Variants in HSD17B12 observed in about 807,000 individuals in gnomAD.
The protein encoded by HSD17B12 is hydroxysteroid 17-beta dehydrogenase 12.
A neutral mutation model predicts 39.3 loss-of-function variants in HSD17B12; 32 were observed. That is an observed-to-expected ratio of 0.81 (90% CI 0.61 to 1.09). HSD17B12 has a LOEUF of 1.09. HSD17B12 is among the 50% of genes least tolerant of loss of function. HSD17B12 has a pLI of 0.00. For missense variants in HSD17B12, 342 were observed against 382.9 expected, an observed-to-expected ratio of 0.89 and a Z score of 0.89; for synonymous variants, 150 against 146.7, an observed-to-expected ratio of 1.02 and a Z score of -0.16.
intron 1 of HSD17B12, among the ~76,000 whole-genome samples, chr11:43,715,509 C>T (rs1950113133): frequency 6.6e-6 from 1 of 152,100 alleles, no homozygotes; most frequent in African/African-American, 2.4e-5. Flanking sequence ...TTTTGATGTG[C>T]TGCTGGATTT....
chr11:43,803,008 A>G (rs961736777), intron 4 of HSD17B12, among the ~76,000 whole-genome samples: 3 of 152,062 alleles, frequency 2.0e-5, no homozygotes, highest in African/African-American at 7.2e-5. Context: ...TTTTCTTCCT[A>G]CTCTACCACA....
At chr11:43,712,937 CGTTT>C (rs1186507734) in intron 1 of HSD17B12, among the ~76,000 whole-genome samples, 2 of 152,150 alleles carry the variant, frequency 1.3e-5, no homozygotes, top group African/African-American at 4.8e-5. Context: ...CCATACTACC[CGTTT>C]GTTTAACATT....
the HSD17B12 span, among the ~76,000 whole-genome samples, chr11:43,655,486 T>G: frequency 6.6e-6 from 1 of 152,154 alleles, no homozygotes; most frequent in Non-Finnish European, 1.5e-5. Context: ...CTTGTGCCAG[T>G]TTTCAAAGGG....
At chr11:43,775,314 T>C (rs1289487370) in intron 3 of HSD17B12, among the ~76,000 whole-genome samples, 1 of 152,202 alleles carries the variant, frequency 6.6e-6, no homozygotes, top group Non-Finnish European at 1.5e-5. Context: ...AGCCAAGTTC[T>C]GTGGTAATTG....
the HSD17B12 span, among the ~76,000 whole-genome samples, chr11:43,656,409 G>A: frequency 2.0e-5 from 3 of 151,988 alleles, no homozygotes; most frequent in Non-Finnish European, 4.4e-5. Flanking sequence ...CTTCAGTTCT[G>A]CTCTGATCTT....
intron 1 of HSD17B12, among the ~76,000 whole-genome samples, chr11:43,727,636 GATATAA>G (rs1431458092): frequency 6.6e-6 from 1 of 151,982 alleles, no homozygotes; most frequent in African/African-American, 2.4e-5. Context: ...GCATTTTGTT[GATATAA>G]ATTCCCATCA....
chr11:43,848,553 T>C (rs1467277587), intron 9 of HSD17B12: 1 of 152,198 alleles, frequency 6.6e-6, no homozygotes. Context: ...AGAAAATAAT[T>C]GCTAATACAT....
Position 43,854,825 on chromosome 11 carries a change from G to A in HSD17B12, c.795G>A (p.Leu265=), listed in dbSNP as rs767606583. Reference sequence around the variant, plus strand: ...AGTCTGCAATTAAAACAGTCGGCCTGCAATCCCGAACCAATGGATACCTGA... The same window carrying A: ...AGTCTGCAATTAAAACAGTCGGCCTACAATCCCGAACCAATGGATACCTGA... ...FVKSAIKTVG[L]QSRTNGYLIH... The change falls in exon 10 of 11, where the codon CTG becomes CTA. Residue 265 remains leucine, a synonymous_variant. Coordinates refer to ENST00000278353, the MANE Select transcript of HSD17B12 (RefSeq NM_016142.3). The A allele has an allele frequency of 3.7e-6, 6 of 1,614,008 alleles. No individual in the cohort carries two copies. The highest frequency in any genetic ancestry group is 5.1e-6 in the Non-Finnish European group (6 of 1,180,016).
the HSD17B12 span, among the ~76,000 whole-genome samples, chr11:43,674,019 G>A: frequency 6.6e-6 from 1 of 152,208 alleles, no homozygotes; most frequent in African/African-American, 2.4e-5. Context: ...AAGTAGTATT[G>A]TTCTCATTTT....
intron 8 of HSD17B12, 87 bp from the exon 9 acceptor site, chr11:43,839,912 T>G: frequency 9.9e-7 from 1 of 1,011,218 alleles, no homozygotes; most frequent in Non-Finnish European, 1.5e-6. Context: ...CATTAAATGA[T>G]TAGTTTATTA....
At chr11:43,842,951 T>C (rs560596754) in intron 9 of HSD17B12, among the ~76,000 whole-genome samples, 1 of 152,292 alleles carries the variant, frequency 6.6e-6, no homozygotes, top group African/African-American at 2.4e-5. Flanking sequence ...CTCAAAGATC[T>C]TTTCTCCAGA....
At chr11:43,606,202 G>A in the HSD17B12 span, among the ~76,000 whole-genome samples, 1 of 152,250 alleles carries the variant, frequency 6.6e-6, no homozygotes, top group Admixed American at 6.5e-5. Flanking sequence ...AATCTACTTA[G>A]TGAAGTTCTT....
chr11:43,641,594 G>T, the HSD17B12 span, among the ~76,000 whole-genome samples: 1 of 151,956 alleles, frequency 6.6e-6, no homozygotes, highest in Non-Finnish European at 1.5e-5. Flanking sequence ...TGTAGGGTCA[G>T]AATGTAAATA....
chr11:43,694,572 C>G (rs1949892458), intron 1 of HSD17B12, among the ~76,000 whole-genome samples: 1 of 151,872 alleles, frequency 6.6e-6, no homozygotes, highest in South Asian at 2.1e-4. Context: ...CCTGTAGTCC[C>G]AGTTACTCAG....
intron 1 of HSD17B12, among the ~76,000 whole-genome samples, chr11:43,693,053 A>T (rs1055440409): frequency 6.6e-6 from 1 of 152,236 alleles, no homozygotes; most frequent in African/African-American, 2.4e-5. Flanking sequence ...ACTGGAAGGG[A>T]TGTTAGCAAC....
intron 9 of HSD17B12, among the ~76,000 whole-genome samples, chr11:43,842,764 C>T (rs562691418): frequency 1.6e-4 from 25 of 152,252 alleles, no homozygotes; most frequent in African/African-American, 4.3e-4. Flanking sequence ...ACACCTATTG[C>T]GACTAGGCAG....
the HSD17B12 span, among the ~76,000 whole-genome samples, chr11:43,591,097 T>C: frequency 6.6e-6 from 1 of 152,060 alleles, no homozygotes; most frequent in Non-Finnish European, 1.5e-5. Context: ...AGAGGAAAAG[T>C]TTCCCCCCAG....
At chr11:43,804,479 A>G (rs965708532) in intron 4 of HSD17B12, among the ~76,000 whole-genome samples, 2 of 152,356 alleles carry the variant, frequency 1.3e-5, no homozygotes, top group Middle Eastern at 3.4e-3. Flanking sequence ...GCAAAGAATC[A>G]CTGATTGCCA....
chr11:43,749,376 A>G (rs1354418701), intron 1 of HSD17B12, among the ~76,000 whole-genome samples: 1 of 152,188 alleles, frequency 6.6e-6, no homozygotes, highest in Non-Finnish European at 1.5e-5. Flanking sequence ...TAGTGATTAC[A>G]TATTGGATGT....
Sources: gnomAD v4.1 joint callset for allele counts (sites outside exome capture counted in the v4.1 genomes callset) on GRCh38, gnomAD v4.1.1 for gene constraint, MANE v1.5 for transcripts, NCBI Gene and HGNC (gene_info 2026-07-23, HGNC 2026-07-21) for gene names.